NOL6: variants seen among roughly 807,000 people sequenced by gnomAD.
NOL6 encodes nucleolar RNA-associated protein.
In NOL6, 33 loss-of-function variants were observed where a neutral mutation model predicts 131.7. That is an observed-to-expected ratio of 0.25 (90% CI 0.19 to 0.33). The LOEUF is 0.33. Ranked by LOEUF, NOL6 falls within the 10% of genes least tolerant of loss-of-function variation. The probability of loss-of-function intolerance (pLI) is 1.00; values close to 1 mark genes in which losing one functional copy is unlikely to be tolerated. For synonymous variants in NOL6, 580 were observed against 605.7 expected (o/e 0.96, Z 0.62); for missense variants, 1,297 against 1,494.5 (o/e 0.87, Z 2.18).
rs374584991 is a variant in NOL6, at chr9:33,463,046, G to A, written c.3278C>T (p.Pro1093Leu). The A allele has an allele frequency of 5.6e-6, 9 of 1,613,340 alleles. No homozygotes were observed. The highest frequency in any genetic ancestry group is 1.7e-5 in the Admixed American group (1 of 59,958). ...CAGCCAGCACACCTTGAAGGGCTGC[G>A]GCTGGAAGCTGGTGGGCTTCCAGAG... ...GVLWKPTSFQ[P>L]QPFKASSTKG... The change falls in exon 25 of 26, where the codon CCG (proline) becomes CTG (leucine). Residue 1093 changes from proline to leucine, a missense_variant. Coordinates refer to ENST00000297990, the MANE Select transcript of NOL6 (RefSeq NM_022917.5).
Position 33,470,024 on chromosome 9 carries a change from C to A in NOL6, c.546G>T (p.Leu182=). Residue 182 remains leucine (L), a synonymous_variant, in exon 4 of 26, where the codon CTG becomes CTT. Transcript: ENST00000297990. ...CCCTGGACCTTACCCTGGGCATGGT[C>A]AGTGCCACATCCACATTGATGTCTG... The part of the protein sequence containing the change: ...IRPDINVDVA[L]TMPREILQDK... The A allele has an allele frequency of 6.3e-7, 1 of 1,596,394 alleles. No homozygotes were observed. The highest frequency in any genetic ancestry group is 1.1e-5 in the South Asian group (1 of 89,258).
Position 33,468,373 on chromosome 9 carries a change from G to A in NOL6, c.1256C>T (p.Ser419Phe). The change falls in exon 10 of 26, where the codon TCC (serine) becomes TTC (phenylalanine). Residue 419 changes from serine to phenylalanine, a missense_variant. By Grantham distance (155) the Ser-to-Phe change is radical. Coordinates refer to ENST00000297990, the MANE Select transcript of NOL6 (RefSeq NM_022917.5). ...HQAFSVVFLD[S>F]SGHLNLCADV... ...AGCACAGAGGTTGAGATGGCCTGAGGAATCCAGGAAGACAACGGAGAAGGC... is the reference window on the plus strand; with the variant it reads ...AGCACAGAGGTTGAGATGGCCTGAGAAATCCAGGAAGACAACGGAGAAGGC... The A allele has an allele frequency of 1.2e-6, 2 of 1,614,154 alleles. No homozygotes were observed. Among genetic ancestry groups the A allele is most frequent in the Non-Finnish European group, 1.7e-6 (2 of 1,180,006 alleles).
rs373963865 is a variant in NOL6, at chr9:33,466,723, G to A, written c.1951-14C>T. 1.2e-6 allele frequency: 2 copies of A among 1,613,358 alleles called. No homozygotes were observed. The highest frequency in any genetic ancestry group is 1.7e-6 in the Non-Finnish European group (2 of 1,179,868). Reference sequence around the variant, plus strand: ...TGTGCTGGAGGTCTGAGAGGGAGAAGACGGTCAGGAGGCTGGACCCTACAG... The same window carrying A: ...TGTGCTGGAGGTCTGAGAGGGAGAAAACGGTCAGGAGGCTGGACCCTACAG... On this transcript the variant is annotated splice_polypyrimidine_tract_variant and intron_variant, in intron 15 of 25. Transcript: ENST00000297990.
rs1263746910 is a variant in NOL6 at position 33,467,909 on chromosome 9, C to T, written c.1425-41G>A. 17 of 1,582,802 alleles carry T rather than the reference C, an allele frequency of 1.1e-5. No individual in the cohort carries two copies. The highest frequency in any genetic ancestry group is 2.7e-5 in the African/African-American group (2 of 74,304). ...GGGCCAAAGAGGGGTAATCAGGTTG[C>T]TGGCCCCTAGTACCACCTCCTCCCT... On this transcript the variant is annotated intron_variant, in intron 11 of 25. Coordinates refer to ENST00000297990, the MANE Select transcript of NOL6 (RefSeq NM_022917.5). The surrounding 1 kb of genome is among the most constrained non-coding windows in gnomAD (Gnocchi z 4.4).
chr9:33,472,986 AAAG>A (rs1827455681), intron 1 of NOL6, among the ~76,000 whole-genome samples: 1 of 151,780 alleles, frequency 6.6e-6, no homozygotes. Context: ...AAAAAAAAAA[AAAG>A]AAGCTGACTG....
intron 25 of NOL6, 21 bp from the exon 26 acceptor site, chr9:33,462,834 A>C: frequency 6.2e-7 from 1 of 1,613,506 alleles, no homozygotes; most frequent in Admixed American, 1.7e-5. Flanking sequence ...CAGAGAAGAG[A>C]TGTGGGTTGA....
rs1587211190 is a variant in NOL6, at chr9:33,461,809, T to C, written c.*855A>G. The C allele has an allele frequency of 4.2e-6, 1 of 238,790 alleles. No individual in the cohort carries two copies. Among genetic ancestry groups the C allele is most frequent in the Middle Eastern group, 1.5e-3 (1 of 672 alleles). The allele number at this position is 238,790 out of a possible 1,614,324, so 14.8% of individuals were successfully genotyped here. A position where few individuals can be genotyped will look rare whatever the true frequency, so the allele number is the denominator to read the frequency against. ...CAGAGAGGCTACCAGAAAGTGGGTG[T>C]AGACCAGACTGAAAGGAGGCAGCAT... On this transcript the variant is annotated 3_prime_UTR_variant, in exon 26 of 26. Coordinates refer to ENST00000297990, the MANE Select transcript of NOL6 (RefSeq NM_022917.5).
chr9:33,466,653 GAGGTCGTCGT>G lies in NOL6; in HGVS notation c.1997_2006del (p.Tyr666SerfsTer8). On this transcript the variant is annotated frameshift_variant, in exon 16 of 26. Transcript: ENST00000297990. LOFTEE classifies it high-confidence loss of function. ...CCTCTAGCCCCCACAGTAGGCGACT[GAGGTCGTCGT>G]AGCAACGTACCGCCGCTACCAGGGC... is the stretch of plus-strand genomic sequence containing the variant. 6.2e-7 allele frequency: 1 copy of G among 1,614,008 alleles called. No homozygotes were observed. The highest frequency in any genetic ancestry group is 8.5e-7 in the Non-Finnish European group (1 of 1,180,022).
intron 1 of NOL6, among the ~76,000 whole-genome samples, chr9:33,473,397 G>C (rs1418637589): frequency 6.6e-6 from 1 of 152,208 alleles, no homozygotes; most frequent in Non-Finnish European, 1.5e-5. Context: ...TCATCCCAGA[G>C]AGCCTTACTG....
Position 33,461,908 on chromosome 9 carries a change from G to A in NOL6, c.*756C>T. On this transcript the variant is annotated 3_prime_UTR_variant, in exon 26 of 26. Transcript: ENST00000297990. ...CCCCATCTCTGCAACCCCACTGCAGGTACATAGTAGTGGCAGTTTGTGACA... is the reference window on the plus strand; with the variant it reads ...CCCCATCTCTGCAACCCCACTGCAGATACATAGTAGTGGCAGTTTGTGACA... 2.0e-6 allele frequency: 1 copy of A among 495,232 alleles called. No homozygotes were observed. Among genetic ancestry groups the A allele is most frequent in the South Asian group, 2.6e-5 (1 of 38,008 alleles). 30.7% of individuals were successfully genotyped at this position (495,232 alleles called of 1,614,324 possible).
rs531550180 is a variant in NOL6, at chr9:33,462,320, G to A, written c.*344C>T. 4.6e-5 allele frequency: 32 copies of A among 691,448 alleles called. No homozygotes were observed. Among genetic ancestry groups the A allele is most frequent in the Non-Finnish European group, 2.7e-6 (1 of 373,148 alleles). The allele number at this position is 691,448 out of a possible 1,614,324, so 42.8% of individuals were successfully genotyped here. ...GGCACACATCCCCTTCTCTGTTTCT[G>A]GAAGAAGACTAAGAAAGGAGTGGGA... is the stretch of plus-strand genomic sequence containing the variant. On this transcript the variant is annotated 3_prime_UTR_variant, in exon 26 of 26. Coordinates refer to ENST00000297990, the MANE Select transcript of NOL6 (RefSeq NM_022917.5).
At position 33,465,882 on chromosome 9, in the gene NOL6, G is replaced by A. The variant is rs1397385880; in HGVS notation, c.2380C>T (p.Arg794Trp). The A allele has an allele frequency of 1.9e-6, 3 of 1,613,838 alleles. No individual in the cohort carries two copies. The highest frequency in any genetic ancestry group is 1.1e-5 in the South Asian group (1 of 91,068). ...TCCCGCTGATAGGCCACGCGAATCC[G>A]AAACACAAATCCATCCTGTTGGAAG... ...TDVLKDGFVF[R>W]IRVAYQREPQ... is the part of the protein sequence containing the mutation. Residue 794 changes from arginine (R) to tryptophan (W), a missense_variant, in exon 19 of 26, where the codon CGG (arginine) becomes TGG (tryptophan). Physicochemically the swap from Arg to Trp is moderately radical, Grantham distance 101 (BLOSUM62 -3). Transcript: ENST00000297990.
chr9:33,473,040 G>A (rs974911411), intron 1 of NOL6, among the ~76,000 whole-genome samples: 1 of 151,058 alleles, frequency 6.6e-6, no homozygotes, highest in African/African-American at 2.4e-5. Context: ...TGTATTTTCA[G>A]GAAGTTTCCT....
rs1329214706 is a variant in NOL6, at chr9:33,468,864, A to C, written c.1035T>G (p.Gly345=). The C allele has an allele frequency of 6.2e-7, 1 of 1,613,838 alleles. No individual in the cohort carries two copies. Among genetic ancestry groups the C allele is most frequent in the Non-Finnish European group, 8.5e-7 (1 of 1,179,994 alleles). ...TGGAGACAAGGAACCCAGTAAACCC[A>C]CCCTGGCCCTGAAAGAGACAGGGAG... ...LRQRELDKGQ[G]GFTGFLVSML... Residue 345 remains glycine (G), a synonymous_variant, in exon 8 of 26, where the codon GGT becomes GGG. Transcript: ENST00000297990.
chr9:33,465,300 C>T lies in NOL6; in HGVS notation c.2588G>A (p.Arg863His), dbSNP rs752941350. 22 of 1,589,754 alleles carry T rather than the reference C, an allele frequency of 1.4e-5. No individual in the cohort carries two copies. Among genetic ancestry groups the T allele is most frequent in the East Asian group, 1.4e-4 (6 of 43,710 alleles). Residue 863 changes from arginine (R) to histidine (H), a missense_variant, in exon 20 of 26, where the codon CGT becomes CAT. Physicochemically the swap from Arg to His is conservative, Grantham distance 29. Transcript: ENST00000297990. ...GAAACCCTCACCAAGAAGCTGGGCA[C>T]GCACCCACCGCTTGGCCAGCCGTGC... ...GVARLAKRWV[R>H]AQLLGEGFAD...
intron 18 of NOL6, 54 bp from the exon 19 acceptor site, chr9:33,465,951 G>A: frequency 6.3e-7 from 1 of 1,591,300 alleles, no homozygotes; most frequent in Non-Finnish European, 8.6e-7. Flanking sequence ...AACCCCGGGA[G>A]TACTCTGTGG....
At position 33,465,830 on chromosome 9, in the gene NOL6, C is replaced by A; in HGVS notation, c.2432G>T (p.Ser811Ile). Residue 811 changes from serine to isoleucine, a missense_variant, in exon 19 of 26, where the codon AGC (serine) becomes ATC (isoleucine). Coordinates refer to ENST00000297990, the MANE Select transcript of NOL6 (RefSeq NM_022917.5). ...REPQILKEVQ[S>I]PEGMISLRDT... ...CCTCAGCGAGATCATCCCCTCTGGGCTCTGCACCTCCTTCAGGATCTGGGG... is the reference window on the plus strand; with the variant it reads ...CCTCAGCGAGATCATCCCCTCTGGGATCTGCACCTCCTTCAGGATCTGGGG... The A allele has an allele frequency of 6.2e-7, 1 of 1,614,130 alleles. No individual in the cohort carries two copies. Among genetic ancestry groups the A allele is most frequent in the Non-Finnish European group, 8.5e-7 (1 of 1,180,006 alleles).
Position 33,465,321 on chromosome 9 carries a change from C to T in NOL6, c.2567G>A (p.Arg856Gln), listed in dbSNP as rs992403922. ...QQHPAFSGVARLAKRWVRAQL... is the reference protein window; with the variant it reads ...QQHPAFSGVAQLAKRWVRAQL... ...GGCACGCACCCACCGCTTGGCCAGCCGTGCCACACCAGAGAAGGCTGGGTG... is the reference window on the plus strand; with the variant it reads ...GGCACGCACCCACCGCTTGGCCAGCTGTGCCACACCAGAGAAGGCTGGGTG... Residue 856 changes from arginine to glutamine, a missense_variant, in exon 20 of 26, where the codon CGG (arginine) becomes CAG (glutamine). Coordinates refer to ENST00000297990, the MANE Select transcript of NOL6 (RefSeq NM_022917.5). 1 of 1,592,842 alleles carries T rather than the reference C, an allele frequency of 6.3e-7. No homozygotes were observed.
Position 33,469,869 on chromosome 9 carries a change from C to T in NOL6, c.558+143G>A, listed in dbSNP as rs561617509. On this transcript the variant is annotated intron_variant, in intron 4 of 25. Transcript: ENST00000297990. Reference sequence around the variant, plus strand: ...CAACTGGCCCGAGGGATCTAAGCTGCCTTCAGGATGCCTGCAATGGTCTGC... The same window carrying T: ...CAACTGGCCCGAGGGATCTAAGCTGTCTTCAGGATGCCTGCAATGGTCTGC... The T allele has an allele frequency of 1.4e-3, 1,466 of 1,034,870 alleles. 4 individuals carry two copies. The highest frequency in any genetic ancestry group is 1.8e-3 in the Non-Finnish European group (1,309 of 721,216). The allele number at this position is 1,034,870 out of a possible 1,614,324, so 64.1% of individuals were successfully genotyped here.
Sources: gnomAD v4.1 joint callset for allele counts (sites outside exome capture counted in the v4.1 genomes callset) on GRCh38, gnomAD v4.1.1 for gene constraint, Gnocchi (gnomAD v3.1) non-coding constraint, MANE v1.5 for transcripts, NCBI Gene and HGNC (gene_info 2026-07-23, HGNC 2026-07-21) for gene names.